The following ACIN1 variants were observed in gnomAD, a reference collection of about 807,000 sequenced individuals.
The protein encoded by ACIN1 is apoptotic chromatin condensation inducer in the nucleus.
ACIN1 carries 16 observed loss-of-function variants against 146.6 expected under a neutral mutation model. That is an observed-to-expected ratio of 0.11 (90% CI 0.07 to 0.17). The LOEUF (loss-of-function observed/expected upper bound fraction) is 0.17, where lower values mean the gene tolerates loss of function less well. ACIN1 is among the 10% of genes least tolerant of loss of function. The pLI is 1.00. For missense variants in ACIN1, 1,357 were observed against 1,609.3 expected (o/e 0.84, Z 2.68); for synonymous variants, 569 against 582.7 (o/e 0.98, Z 0.34).
At position 23,080,100 on chromosome 14, in the gene ACIN1, G is replaced by A. The variant is rs2047903606; in HGVS notation, c.1235C>T (p.Thr412Ile). The change falls in exon 6 of 19, where the codon ACT becomes ATT. Residue 412 changes from threonine to isoleucine, a missense_variant. By Grantham distance (89) the Thr-to-Ile change is moderately conservative (BLOSUM62 -1). Coordinates refer to ENST00000605057, the MANE Select transcript of ACIN1 (RefSeq NM_001386863.1). Reference sequence around the variant, plus strand: ...AGACAGGCCTCCTACCAACTGGACAGTATGCTGAGATACTAATAGCTCCCT... The same window carrying A: ...AGACAGGCCTCCTACCAACTGGACAATATGCTGAGATACTAATAGCTCCCT... Reference protein sequence around the residue: ...DTRELLVSQHTVQLVGGLSPL... With the variant: ...DTRELLVSQHIVQLVGGLSPL... 1.2e-6 allele frequency: 2 copies of A among 1,614,156 alleles called. No homozygotes were observed. Among genetic ancestry groups the A allele is most frequent in the African/African-American group, 2.7e-5 (2 of 75,030 alleles).
rs1279540849 is a variant in ACIN1 at position 23,062,088 on chromosome 14, C to G, written c.3099+80G>C. ...GAACAGAAGCTCAGAGACTGCAGGTCTGGCAAGGATCTCAGCTGAAATCTA... is the reference window on the plus strand; with the variant it reads ...GAACAGAAGCTCAGAGACTGCAGGTGTGGCAAGGATCTCAGCTGAAATCTA... On this transcript the variant is annotated intron_variant, in intron 16 of 18. Coordinates refer to ENST00000605057, the MANE Select transcript of ACIN1 (RefSeq NM_001386863.1). The G allele has an allele frequency of 4.2e-6, 5 of 1,186,492 alleles. No homozygotes were observed. In the Admixed American group the frequency reaches 8.8e-5, roughly 21 times the overall value. 73.5% of individuals were successfully genotyped at this position (1,186,492 alleles called of 1,614,324 possible). A position where few individuals can be genotyped will look rare whatever the true frequency, so the allele number is the denominator to read the frequency against.
At chr14:23,094,937 C>T (rs1381661326) in intron 1 of ACIN1, 38 bp downstream of exon 1, 7 of 1,549,666 alleles carry the variant, frequency 4.5e-6, no homozygotes, top group Non-Finnish European at 4.3e-6. Context: ...CTACCGGGTC[C>T]GCTCTCCTCC....
At chr14:23,091,608 G>A (rs1172810468) in intron 2 of ACIN1, among the ~76,000 whole-genome samples, 5 of 146,764 alleles carry the variant, frequency 3.4e-5, no homozygotes, top group Non-Finnish European at 6.0e-5. Flanking sequence ...AAGATCAACC[G>A]TTACCTATCC....
At chr14:23,082,564 C>T in intron 4 of ACIN1, among the ~76,000 whole-genome samples, 1 of 151,284 alleles carries the variant, frequency 6.6e-6, no homozygotes, top group Non-Finnish European at 1.5e-5. Flanking sequence ...CATGCCTCAG[C>T]CTCCTGAGTA....
chr14:23,072,356 G>A (rs1484330651), intron 8 of ACIN1, among the ~76,000 whole-genome samples: 1 of 152,158 alleles, frequency 6.6e-6, no homozygotes, highest in Non-Finnish European at 1.5e-5. Flanking sequence ...GGGGACCTTG[G>A]GTAGCTGAAG....
intron 4 of ACIN1, among the ~76,000 whole-genome samples, chr14:23,087,940 A>G (rs977803753): frequency 6.6e-6 from 1 of 152,206 alleles, no homozygotes; most frequent in African/African-American, 2.4e-5. Context: ...TCTAAGGCTC[A>G]GCTCAAATCC....
Position 23,061,553 on chromosome 14 carries a change from G to A in ACIN1, c.3169C>T (p.Arg1057Trp), listed in dbSNP as rs1343724458. The A allele has an allele frequency of 1.3e-6, 2 of 1,582,138 alleles. No homozygotes were observed. Among genetic ancestry groups the A allele is most frequent in the Non-Finnish European group, 1.7e-6 (2 of 1,165,182 alleles). ...GGTGGGGGTGGGGGGTGCAGGGGCCGTGGTATTCCCTGCTCCTCTGTCTTA... is the reference window on the plus strand; with the variant it reads ...GGTGGGGGTGGGGGGTGCAGGGGCCATGGTATTCCCTGCTCCTCTGTCTTA... ...ETKTEEQGIP[R>W]PLHPPPPPPV... Residue 1057 changes from arginine (R) to tryptophan (W), a missense_variant, in exon 17 of 19, where the codon CGG becomes TGG. Transcript: ENST00000605057.
chr14:23,082,199 GT>G (rs1264315680), intron 4 of ACIN1, among the ~76,000 whole-genome samples: 5 of 152,120 alleles, frequency 3.3e-5, no homozygotes, highest in Non-Finnish European at 7.4e-5. Context: ...TCTGAATAAA[GT>G]TTAAGACTTC....
At position 23,081,840 on chromosome 14, in the gene ACIN1, T is replaced by C. The variant is rs2047950949; in HGVS notation, c.437-4A>G. On this transcript the variant is annotated splice_polypyrimidine_tract_variant and splice_region_variant and intron_variant, in intron 4 of 18. Coordinates refer to ENST00000605057, the MANE Select transcript of ACIN1 (RefSeq NM_001386863.1). ...TCAGAAATTGAGGAGCTTTTTCCTA[T>C]TGAATGAAAAAGAATCAAGTCAGAT... 8 of 1,603,322 alleles carry C rather than the reference T, an allele frequency of 5.0e-6. No individual in the cohort carries two copies. Among genetic ancestry groups the C allele is most frequent in the Non-Finnish European group, 6.8e-6 (8 of 1,176,616 alleles).
At chr14:23,060,508 C>CT (rs57052013) in intron 18 of ACIN1, among the ~76,000 whole-genome samples, 2,923 of 143,472 alleles carry the variant, frequency 0.02, 84 homozygotes, top group African/African-American at 0.068. Flanking sequence ...CAATCAAGTT[C>CT]TTTTTTTTTT....
chr14:23,059,111 C>T lies in ACIN1; in HGVS notation c.*37G>A, dbSNP rs1235319687. 2 of 1,600,896 alleles carry T rather than the reference C, an allele frequency of 1.2e-6. No homozygotes were observed. Among genetic ancestry groups the T allele is most frequent in the South Asian group, 1.1e-5 (1 of 89,752 alleles). On this transcript the variant is annotated 3_prime_UTR_variant, in exon 19 of 19. Coordinates refer to ENST00000605057, the MANE Select transcript of ACIN1 (RefSeq NM_001386863.1). ...CTCTGTGGCCATAACCCCCTGGGGC[C>T]GAGTGGCTGGTACCTGCAGCTCTAG...
intron 8 of ACIN1, among the ~76,000 whole-genome samples, chr14:23,070,184 T>C (rs2140070072): frequency 1.1e-5 from 1 of 95,128 alleles, no homozygotes; most frequent in Non-Finnish European, 1.9e-5. Context: ...GACACCAGCA[T>C]GGAGAAAATG....
At chr14:23,061,047 T>A (rs1212941364) in intron 18 of ACIN1, 37 bp downstream of exon 18, 1 of 1,596,718 alleles carries the variant, frequency 6.3e-7, no homozygotes, top group Non-Finnish European at 8.6e-7. Context: ...CAAGCCTCAG[T>A]GCCACTAGGG....
intron 2 of ACIN1, 103 bp downstream of exon 2, chr14:23,093,375 GA>G (rs982265448): frequency 1.7e-6 from 2 of 1,190,070 alleles, no homozygotes; most frequent in African/African-American, 3.1e-5. Context: ...GAGAACTTAG[GA>G]AAACAGTCAT....
Position 23,067,544 on chromosome 14 carries a change from G to A in ACIN1, c.2266-1536C>T. ...TGGGGGGACGCTGCCCAGTTTCCAT[G>A]ATGTCAAGACAGTTCACTGGCGGTG... On this transcript the variant is annotated intron_variant, in intron 9 of 18. Coordinates refer to ENST00000605057, the MANE Select transcript of ACIN1 (RefSeq NM_001386863.1). The surrounding 1 kb of genome is among the most constrained non-coding windows in gnomAD (Gnocchi z 4.6). The A allele has an allele frequency of 1.0e-6, 1 of 986,104 alleles. No homozygotes were observed. Among genetic ancestry groups the A allele is most frequent in the Non-Finnish European group, 1.2e-6 (1 of 830,264 alleles). 61.1% of individuals were successfully genotyped at this position (986,104 alleles called of 1,614,324 possible). A position where few individuals can be genotyped will look rare whatever the true frequency, so the allele number is the denominator to read the frequency against.
intron 10 of ACIN1, among the ~76,000 whole-genome samples, chr14:23,065,621 T>C (rs1452767294): frequency 6.6e-6 from 1 of 152,134 alleles, no homozygotes; most frequent in Non-Finnish European, 1.5e-5. Flanking sequence ...CCAGAATAAT[T>C]CATAAACTGC....
intron 2 of ACIN1, 77 bp downstream of exon 2, chr14:23,093,402 A>AT: frequency 9.9e-6 from 14 of 1,419,974 alleles, no homozygotes; most frequent in African/African-American, 1.4e-5. Context: ...CTTAAGCATC[A>AT]AATATACAAC....
In ACIN1 at chr14:23,061,299, T is replaced by C. The variant is rs1454098418; in HGVS notation, c.3423A>G (p.Lys1141=). 3 of 1,613,820 alleles carry C rather than the reference T, an allele frequency of 1.9e-6. No homozygotes were observed. The highest frequency in any genetic ancestry group is 1.7e-6 in the Non-Finnish European group (2 of 1,179,752). ...CGTACCCCATAGCTAAGTACCTACC[T>C]TTCTTCTCACTCTTCTTTTCTTTAG... ...AKSKEKKSEK[K]EKAQEEPPAK... is the part of the protein sequence containing the mutation. Residue 1141 remains lysine (K), a splice_region_variant and synonymous_variant, in exon 17 of 19, where the codon AAA becomes AAG. Coordinates refer to ENST00000605057, the MANE Select transcript of ACIN1 (RefSeq NM_001386863.1).
Position 23,068,979 on chromosome 14 carries a change from A to G in ACIN1, c.2265+497T>C. 1.0e-6 allele frequency: 1 copy of G among 974,044 alleles called. No homozygotes were observed. Among genetic ancestry groups the G allele is most frequent in the Non-Finnish European group, 1.2e-6 (1 of 829,888 alleles). The allele number at this position is 974,044 out of a possible 1,614,324, so 60.3% of individuals were successfully genotyped here. ...ACTGAGAATGGGCCTTCCGGATCAC[A>G]AGTGCTGGCTTCTAAGTAGCTACAT... On this transcript the variant is annotated intron_variant, in intron 9 of 18. Coordinates refer to ENST00000605057, the MANE Select transcript of ACIN1 (RefSeq NM_001386863.1). This position sits in a 1 kb window ranked among gnomAD's most constrained non-coding sequence, Gnocchi z 4.3.
Sources: allele counts gnomAD v4.1 joint callset (sites outside exome capture counted in the v4.1 genomes callset), GRCh38; gene constraint gnomAD v4.1.1; non-coding constraint Gnocchi (gnomAD v3.1); transcripts MANE v1.5; gene names NCBI Gene and HGNC (gene_info 2026-07-23, HGNC 2026-07-21).